PSMD5: variants seen among roughly 807,000 people sequenced by gnomAD.
PSMD5 encodes the protein proteasome 26S subunit, non-ATPase 5, also known as 26S proteasome non-ATPase regulatory subunit 5.
Under a neutral mutation model 52.1 loss-of-function variants are expected in PSMD5, and 40 were observed. That is an observed-to-expected ratio of 0.77 (90% CI 0.60 to 1.00). PSMD5 has a LOEUF of 1.00. Ranked by LOEUF, PSMD5 falls within the 50% of genes least tolerant of loss-of-function variation. PSMD5 has a pLI of 0.00. For missense variants in PSMD5, 575 were observed against 605.2 expected (o/e 0.95, Z 0.52); for synonymous variants, 211 against 226.6 (o/e 0.93, Z 0.62).
At chr9:120,822,746 C>T (rs1259049525) in intron 7 of PSMD5, among the ~76,000 whole-genome samples, 3 of 151,954 alleles carry the variant, frequency 2.0e-5, no homozygotes, top group Non-Finnish European at 4.4e-5. Flanking sequence ...AGGCTGGTCT[C>T]GAACTCTTGA....
At chr9:120,823,001 T>TTTG (rs947877882) in intron 7 of PSMD5, among the ~76,000 whole-genome samples, 1 of 144,682 alleles carries the variant, frequency 6.9e-6, no homozygotes, top group South Asian at 2.2e-4. Flanking sequence ...GCTAATTTTT[T>TTTG]TTGTTGTTGT....
rs190101340 is a variant in PSMD5, at chr9:120,819,392, A to G, written c.1258-1229T>C. Among the ~76,000 whole-genome samples the G allele has an allele frequency of 1.6e-4, 24 of 152,378 alleles. No homozygotes were observed. In the East Asian group the frequency reaches 4.2e-3, roughly 27 times the overall value. On this transcript the variant is annotated intron_variant, in intron 9 of 9. Transcript: ENST00000210313. ...AATAAAAATAGTTATCCCAACCAGTAAATAGAAAATTATTTCTACAATGGA... is the reference window on the plus strand; with the variant it reads ...AATAAAAATAGTTATCCCAACCAGTGAATAGAAAATTATTTCTACAATGGA...
At chr9:120,840,882 T>G (rs990841581) in intron 1 of PSMD5, among the ~76,000 whole-genome samples, 1 of 152,094 alleles carries the variant, frequency 6.6e-6, no homozygotes, top group African/African-American at 2.4e-5. Flanking sequence ...CCTCCCAAAG[T>G]GCTGGGATTA....
intron 1 of PSMD5, among the ~76,000 whole-genome samples, chr9:120,838,664 G>A (rs1245345700): frequency 6.6e-6 from 1 of 152,182 alleles, no homozygotes; most frequent in Non-Finnish European, 1.5e-5. Context: ...CTAAAGCACT[G>A]CTCCTTCATT....
At chr9:120,835,700 G>T (rs987295351) in intron 1 of PSMD5, among the ~76,000 whole-genome samples, 3 of 151,640 alleles carry the variant, frequency 2.0e-5, no homozygotes, top group Non-Finnish European at 4.4e-5. Context: ...TCGCACTCCA[G>T]CCTAGGCGAC....
At chr9:120,841,811 CCTTT>C (rs1433044679) in intron 1 of PSMD5, 1 of 152,148 alleles carries the variant, frequency 6.6e-6, no homozygotes, top group Non-Finnish European at 1.5e-5. Context: ...CCAGTCGCCC[CCTTT>C]CTTTCTCTGT....
rs1185956676 is a variant in PSMD5, at chr9:120,816,498, C to T, written c.*1408G>A. Reference sequence around the variant, plus strand: ...ATAGCCTAATTAGTAGTGATATTAACAGTAGGGGACTAGTCAGCATGGAAA... The same window carrying T: ...ATAGCCTAATTAGTAGTGATATTAATAGTAGGGGACTAGTCAGCATGGAAA... On this transcript the variant is annotated 3_prime_UTR_variant, in exon 10 of 10. Coordinates refer to ENST00000210313, the MANE Select transcript of PSMD5 (RefSeq NM_005047.4). The T allele has an allele frequency of 1.3e-5, 2 of 152,150 alleles. No homozygotes were observed. The highest frequency in any genetic ancestry group is 2.9e-5 in the Non-Finnish European group (2 of 68,030). 9.4% of individuals were successfully genotyped at this position (152,150 alleles called of 1,614,324 possible).
chr9:120,836,458 G>A (rs1042848540), intron 1 of PSMD5, among the ~76,000 whole-genome samples: 2 of 149,886 alleles, frequency 1.3e-5, no homozygotes, highest in South Asian at 4.2e-4. Flanking sequence ...GTGCGATGGC[G>A]TGATCTTGGC....
At chr9:120,832,672 A>G (rs2045169780) in intron 2 of PSMD5, among the ~76,000 whole-genome samples, 1 of 152,258 alleles carries the variant, frequency 6.6e-6, no homozygotes, top group Admixed American at 6.5e-5. Flanking sequence ...CTGGGATTAC[A>G]GGCGTGAGCC....
chr9:120,818,255 T>C, intron 9 of PSMD5, 92 bp from the exon 10 acceptor site: 3 of 1,322,616 alleles, frequency 2.3e-6, no homozygotes, highest in Non-Finnish European at 3.0e-6. Flanking sequence ...TCTGGCAACA[T>C]GAACTTTAAA....
intron 8 of PSMD5, 116 bp downstream of exon 8, chr9:120,821,239 C>T (rs774526179): frequency 2.5e-6 from 2 of 784,326 alleles, no homozygotes; most frequent in Non-Finnish European, 4.0e-6. Flanking sequence ...TGTCACTAGT[C>T]ATATAATGAG....
intron 1 of PSMD5, among the ~76,000 whole-genome samples, chr9:120,834,162 G>T (rs1450133037): frequency 1.3e-5 from 2 of 151,628 alleles, no homozygotes; most frequent in African/African-American, 4.9e-5. Flanking sequence ...TGTATTTTTA[G>T]CAGAGACGGG....
intron 9 of PSMD5, 50 bp downstream of exon 9, chr9:120,820,789 A>G: frequency 6.6e-7 from 1 of 1,505,764 alleles, no homozygotes. Context: ...TAAGTACTCA[A>G]GTGTTGAGCT....
chr9:120,828,722 G>A (rs999049067), intron 5 of PSMD5, among the ~76,000 whole-genome samples: 3 of 152,104 alleles, frequency 2.0e-5, no homozygotes, highest in East Asian at 3.8e-4. Flanking sequence ...CACCGCACCC[G>A]GCCTAGCCCA....
intron 6 of PSMD5, 66 bp downstream of exon 6, chr9:120,826,698 CT>C (rs2131425458): frequency 2.0e-6 from 3 of 1,534,258 alleles, no homozygotes; most frequent in South Asian, 2.4e-5. Context: ...CCCCAACCCC[CT>C]GATGTCAGAG....
chr9:120,842,442 T>A, intron 1 of PSMD5: 2 of 477,804 alleles, frequency 4.2e-6, no homozygotes, highest in South Asian at 2.6e-5. Context: ...ATGCTCCTTG[T>A]AAGTGGACAG....
chr9:120,817,783 C>T lies in PSMD5; in HGVS notation c.*123G>A. 1 of 1,131,802 alleles carries T rather than the reference C, an allele frequency of 8.8e-7. No individual in the cohort carries two copies. The highest frequency in any genetic ancestry group is 1.3e-6 in the Non-Finnish European group (1 of 795,512). The allele number at this position is 1,131,802 out of a possible 1,614,324, so 70.1% of individuals were successfully genotyped here. On this transcript the variant is annotated 3_prime_UTR_variant, in exon 10 of 10. Transcript: ENST00000210313. Reference sequence around the variant, plus strand: ...TATAACAGTGTTGGTAACAAAGTAACATCTGACATTCCATGATAATTCTTG... The same window carrying T: ...TATAACAGTGTTGGTAACAAAGTAATATCTGACATTCCATGATAATTCTTG...
chr9:120,820,776 T>C, intron 9 of PSMD5, 63 bp downstream of exon 9: 2 of 1,464,130 alleles, frequency 1.4e-6, no homozygotes, highest in Non-Finnish European at 1.8e-6. Flanking sequence ...TCTGGCTCAC[T>C]GTTAAGTACT....
intron 9 of PSMD5, 133 bp downstream of exon 9, chr9:120,820,705 TA>T: frequency 1.2e-6 from 1 of 827,946 alleles, no homozygotes; most frequent in Non-Finnish European, 1.7e-6. Context: ...ACTTAGTCTC[TA>T]AGGTAGCAGA....
Sources: allele counts gnomAD v4.1 joint callset (sites outside exome capture counted in the v4.1 genomes callset), GRCh38; gene constraint gnomAD v4.1.1; transcripts MANE v1.5; gene names NCBI Gene and HGNC (gene_info 2026-07-23, HGNC 2026-07-21).